The following FRMD4A variants were observed in gnomAD, a reference collection of about 807,000 sequenced individuals.
FRMD4A encodes the protein FERM domain-containing protein 4A.
In FRMD4A, 29 loss-of-function variants were observed where a neutral mutation model predicts 129.1. The ratio of observed to expected loss-of-function variants is 0.22; its 90% confidence interval spans 0.17 to 0.31. The LOEUF (loss-of-function observed/expected upper bound fraction) is 0.31. Among genes scored for constraint, FRMD4A ranks in the 10% least tolerant of loss-of-function variants. FRMD4A has a pLI of 1.00. For synonymous variants in FRMD4A, 634 were observed against 571.6 expected (o/e 1.11, Z -1.56); for missense variants, 1,272 against 1,375.8 (o/e 0.92, Z 1.19).
chr10:14,282,257 T>C (rs1845545711), intron 2 of FRMD4A, among the ~76,000 whole-genome samples: 1 of 152,162 alleles, frequency 6.6e-6, no homozygotes, highest in Admixed American at 6.5e-5. Flanking sequence ...AGCCAAAGCA[T>C]ATCAATATCC....
chr10:13,741,067 T>C (rs2090973144), intron 9 of FRMD4A, among the ~76,000 whole-genome samples: 1 of 152,142 alleles, frequency 6.6e-6, no homozygotes, highest in African/African-American at 2.4e-5. Context: ...CCTCAAGTGA[T>C]CCACCCACCT....
chr10:13,837,534 C>T (rs756988074), intron 3 of FRMD4A, among the ~76,000 whole-genome samples: 1 of 152,204 alleles, frequency 6.6e-6, no homozygotes, highest in Non-Finnish European at 1.5e-5. Flanking sequence ...CAAAAGATCA[C>T]GGGGTCACAT....
intron 2 of FRMD4A, among the ~76,000 whole-genome samples, chr10:13,951,600 A>G (rs941204130): frequency 6.6e-6 from 1 of 152,050 alleles, no homozygotes; most frequent in Admixed American, 6.6e-5. Flanking sequence ...ATCACAATCT[A>G]AAATTTTGGC....
At chr10:13,888,497 A>C (rs1467505444) in intron 2 of FRMD4A, among the ~76,000 whole-genome samples, 1 of 152,206 alleles carries the variant, frequency 6.6e-6, no homozygotes, top group Non-Finnish European at 1.5e-5. Context: ...TCATGAGGGC[A>C]CATGGGCCTG....
chr10:13,790,887 C>A (rs115866675), intron 5 of FRMD4A, among the ~76,000 whole-genome samples: 1 of 151,282 alleles, frequency 6.6e-6, no homozygotes, highest in African/African-American at 2.4e-5. Flanking sequence ...TAGATTGGGA[C>A]GTGGTCACAA....
In FRMD4A at chr10:14,239,654, A is replaced by AAC. The variant is rs769483733; in HGVS notation, c.45+90403_45+90404insGT. Among the ~76,000 whole-genome samples the AAC allele has an allele frequency of 3.3e-5, 5 of 151,424 alleles. No homozygotes were observed. The South Asian group carries it at 6.3e-4, about 19-fold the overall frequency. On this transcript the variant is annotated intron_variant, in intron 2 of 24. Transcript: ENST00000357447. ...GAAAAAACAAACAAACAAACAAACAAAAAAAAACTGGCAAAAGCCAGGTGG... is the reference window on the plus strand; with the variant it reads ...GAAAAAACAAACAAACAAACAAACAAACAAAAAAACTGGCAAAAGCCAGGTGG...
At chr10:14,053,806 T>C (rs941402023) in intron 2 of FRMD4A, among the ~76,000 whole-genome samples, 2 of 151,986 alleles carry the variant, frequency 1.3e-5, no homozygotes, top group African/African-American at 2.4e-5. Flanking sequence ...AGAGGATTGC[T>C]TGAGGGAAGG....
At chr10:14,016,782 G>C (rs527454140) in intron 2 of FRMD4A, among the ~76,000 whole-genome samples, 24 of 152,310 alleles carry the variant, frequency 1.6e-4, no homozygotes, top group African/African-American at 5.5e-4. Flanking sequence ...GTGAAAATCA[G>C]GTGTCCCAGG....
In FRMD4A at chr10:14,295,213, T is replaced by C. The variant is rs186574583; in HGVS notation, c.45+34845A>G. ...GTGAGCCCCTTAGTATGGCATCAGG[T>C]ACATGGGAAAGCCACCTCCTGATTT... is the stretch of plus-strand genomic sequence containing the variant. On this transcript the variant is annotated intron_variant, in intron 2 of 24. Coordinates refer to ENST00000357447, the MANE Select transcript of FRMD4A (RefSeq NM_018027.5). Among the ~76,000 whole-genome samples the C allele has an allele frequency of 1.4e-3, 214 of 152,226 alleles. 1 individual carries two copies. The highest frequency in any genetic ancestry group is 0.012 in the Admixed American group (182 of 15,292).
chr10:14,037,367 A>C (rs1833548847), intron 2 of FRMD4A, among the ~76,000 whole-genome samples: 1 of 152,062 alleles, frequency 6.6e-6, no homozygotes. Context: ...ACAGATGGGC[A>C]CCACCATGTC....
chr10:14,147,714 A>C (rs2131850445), intron 2 of FRMD4A, among the ~76,000 whole-genome samples: 1 of 152,008 alleles, frequency 6.6e-6, no homozygotes, highest in South Asian at 2.1e-4. Context: ...GGTGGAGCTC[A>C]GGTGGTAATG....
At chr10:13,716,494 C>A (rs2088823485) in intron 12 of FRMD4A, among the ~76,000 whole-genome samples, 1 of 152,304 alleles carries the variant, frequency 6.6e-6, no homozygotes, top group South Asian at 2.1e-4. Context: ...TGGCCACACA[C>A]CCAGCACAGG....
chr10:14,273,523 T>A (rs1845236258), intron 2 of FRMD4A, among the ~76,000 whole-genome samples: 1 of 152,164 alleles, frequency 6.6e-6, no homozygotes, highest in African/African-American at 2.4e-5. Context: ...GATTTTTTTT[T>A]AAGTGAATGA....
chr10:13,993,131 T>C (rs1020159127), intron 2 of FRMD4A, among the ~76,000 whole-genome samples: 3 of 152,158 alleles, frequency 2.0e-5, no homozygotes, highest in African/African-American at 4.8e-5. Flanking sequence ...AGTGAGGACA[T>C]CCTGAGTTTA....
chr10:14,014,081 G>A (rs2095690499), intron 2 of FRMD4A, among the ~76,000 whole-genome samples: 1 of 152,118 alleles, frequency 6.6e-6, no homozygotes, highest in Admixed American at 6.5e-5. Context: ...AGGTGGGTGG[G>A]GATGCAGGGG....
Position 14,108,308 on chromosome 10 carries a change from T to C in FRMD4A, c.45+221750A>G, listed in dbSNP as rs535225501. Among the ~76,000 whole-genome samples the C allele has an allele frequency of 4.6e-5, 7 of 152,374 alleles. 1 individual carries two copies. In the South Asian group the frequency reaches 1.5e-3, roughly 32 times the overall value. On this transcript the variant is annotated intron_variant, in intron 2 of 24. Coordinates refer to ENST00000357447, the MANE Select transcript of FRMD4A (RefSeq NM_018027.5). ...GCCTTAATTTATGGGTTGTATTTTG[T>C]GATACTGATTAAGTGCATTTGAGCA... is the stretch of plus-strand genomic sequence containing the variant.
chr10:13,705,468 C>A (rs1364399110), intron 13 of FRMD4A, among the ~76,000 whole-genome samples: 1 of 152,164 alleles, frequency 6.6e-6, no homozygotes, highest in Non-Finnish European at 1.5e-5. Flanking sequence ...CTGCGCTCAG[C>A]CCCTTAGATT....
chr10:14,073,130 G>T (rs1303238457), intron 2 of FRMD4A, among the ~76,000 whole-genome samples: 1 of 152,180 alleles, frequency 6.6e-6, no homozygotes, highest in African/African-American at 2.4e-5. Flanking sequence ...GAAACCCAGG[G>T]TACCTCCATC....
At chr10:14,040,006 G>A (rs761780171) in intron 2 of FRMD4A, among the ~76,000 whole-genome samples, 20 of 152,032 alleles carry the variant, frequency 1.3e-4, no homozygotes, top group Non-Finnish European at 2.5e-4. Flanking sequence ...TTTGTGCTAG[G>A]CACTGTTCCA....
Sources: allele counts gnomAD v4.1 joint callset (sites outside exome capture counted in the v4.1 genomes callset), GRCh38; gene constraint gnomAD v4.1.1; transcripts MANE v1.5; gene names NCBI Gene and HGNC (gene_info 2026-07-23, HGNC 2026-07-21).